RB1CC1: variants seen among roughly 807,000 people sequenced by gnomAD.
The protein encoded by RB1CC1 is RB1 inducible coiled-coil 1, also known as RB1-inducible coiled-coil protein 1.
Under a neutral mutation model 177.5 loss-of-function variants are expected in RB1CC1, and 46 were observed. The observed-to-expected ratio is 0.26, with a 90% confidence interval of 0.20 to 0.33. RB1CC1 has a LOEUF of 0.33. Among genes scored for constraint, RB1CC1 ranks in the 10% least tolerant of loss-of-function variants. The pLI, the probability that RB1CC1 is intolerant of heterozygous loss-of-function variation, is 1.00. For missense variants in RB1CC1, 1,703 were observed against 1,816.3 expected (o/e 0.94, Z 1.13); for synonymous variants, 666 against 613.6 (o/e 1.09, Z -1.26).
intron 8 of RB1CC1, among the ~76,000 whole-genome samples, chr8:52,663,071 C>T (rs1385698849): frequency 6.6e-6 from 1 of 152,044 alleles, no homozygotes; most frequent in East Asian, 1.9e-4. Context: ...CTCAACCATA[C>T]TCAATATAAT....
chr8:52,707,432 CTTTTTT>C (rs386412758), intron 1 of RB1CC1, among the ~76,000 whole-genome samples: 3 of 128,842 alleles, frequency 2.3e-5, no homozygotes, highest in East Asian at 2.3e-4. Context: ...TTCTTTCTTT[CTTTTTT>C]TTTTTTTTTT....
rs150249017 is a variant in RB1CC1, at chr8:52,689,852, G to C, written c.-166-2885C>G. Among the ~76,000 whole-genome samples, 570 of 152,120 alleles carry C rather than the reference G, an allele frequency of 3.7e-3. 2 individuals are homozygous for C. Among genetic ancestry groups the C allele is most frequent in the African/African-American group, 0.013 (531 of 41,500 alleles). ...TCTTCCAGACTCAAGAGAACTGCTT[G>C]AACTGGGAGGCGGAGGTTGCAGTGA... On this transcript the variant is annotated intron_variant, in intron 1 of 23. Coordinates refer to ENST00000025008, the MANE Select transcript of RB1CC1 (RefSeq NM_014781.5).
At chr8:52,691,857 G>C (rs924339357) in intron 1 of RB1CC1, among the ~76,000 whole-genome samples, 4 of 152,080 alleles carry the variant, frequency 2.6e-5, no homozygotes, top group African/African-American at 9.7e-5. Context: ...TTGCTTTCAC[G>C]GCCACAAATG....
At chr8:52,658,198 AAT>A (rs1254718785) in intron 13 of RB1CC1, 74 bp from the exon 14 acceptor site, 2 of 1,409,666 alleles carry the variant, frequency 1.4e-6, no homozygotes, top group Non-Finnish European at 1.9e-6. Flanking sequence ...CAAATATTTT[AAT>A]ATGTCAAAAA....
chr8:52,661,070 T>A (rs373051906), intron 10 of RB1CC1, 25 bp downstream of exon 10: 34 of 1,611,220 alleles, frequency 2.1e-5, no homozygotes, highest in Non-Finnish European at 2.5e-5. Flanking sequence ...TCATATACAG[T>A]TAAAATAGAA....
At chr8:52,627,668 A>G (rs915214788) in intron 22 of RB1CC1, among the ~76,000 whole-genome samples, 1 of 152,142 alleles carries the variant, frequency 6.6e-6, no homozygotes, top group African/African-American at 2.4e-5. Context: ...TTTATAATTT[A>G]AGAAAGTTTT....
intron 6 of RB1CC1, 69 bp from the exon 7 acceptor site, chr8:52,674,343 G>T: frequency 7.6e-7 from 1 of 1,314,978 alleles, no homozygotes; most frequent in Non-Finnish European, 1.1e-6. Context: ...ATGTTTGAAT[G>T]AAATCACATA....
At chr8:52,624,544 G>C (rs1401123662) in intron 23 of RB1CC1, among the ~76,000 whole-genome samples, 173 bp downstream of exon 23, 1 of 151,756 alleles carries the variant, frequency 6.6e-6, no homozygotes, top group Admixed American at 6.6e-5. Context: ...TACTATCTAA[G>C]GGCAGCATGA....
chr8:52,660,557 C>T, intron 12 of RB1CC1, 39 bp downstream of exon 12: 1 of 1,512,964 alleles, frequency 6.6e-7, no homozygotes, highest in Non-Finnish European at 9.0e-7. Context: ...GGTTTTAAAA[C>T]ATATGGAATT....
intron 18 of RB1CC1, among the ~76,000 whole-genome samples, chr8:52,640,790 CTTT>C (rs1025160611): frequency 6.6e-6 from 1 of 152,010 alleles, no homozygotes; most frequent in Non-Finnish European, 1.5e-5. Context: ...TTTTGAATTA[CTTT>C]TTTTGTTCTA....
At chr8:52,708,597 T>A (rs1182182916) in intron 1 of RB1CC1, among the ~76,000 whole-genome samples, 1 of 152,136 alleles carries the variant, frequency 6.6e-6, no homozygotes, top group Non-Finnish European at 1.5e-5. Context: ...TTATCACAGG[T>A]GGCCTATAGT....
intron 5 of RB1CC1, among the ~76,000 whole-genome samples, chr8:52,682,748 A>G (rs1032790800): frequency 2.6e-5 from 4 of 152,200 alleles, no homozygotes; most frequent in African/African-American, 7.2e-5. Flanking sequence ...TTCAGTTTAC[A>G]TAAGTATATT....
At chr8:52,628,257 A>G (rs1184470862) in intron 21 of RB1CC1, 89 bp from the exon 22 acceptor site, 12 of 1,215,736 alleles carry the variant, frequency 9.9e-6, no homozygotes, top group Non-Finnish European at 1.4e-5. Context: ...ATGCTCAACT[A>G]CATATTAAGA....
At chr8:52,625,808 C>A (rs996669474) in intron 22 of RB1CC1, among the ~76,000 whole-genome samples, 1 of 152,152 alleles carries the variant, frequency 6.6e-6, no homozygotes, top group African/African-American at 2.4e-5. Context: ...ATCACTTTCA[C>A]ACCATGGTAA....
At chr8:52,645,567 A>G (rs1316172085) in intron 16 of RB1CC1, 135 bp downstream of exon 16, 32 of 947,220 alleles carry the variant, frequency 3.4e-5, no homozygotes, top group Non-Finnish European at 4.8e-5. Flanking sequence ...TCAAGAGGAA[A>G]TTTATTAACA....
intron 5 of RB1CC1, 77 bp from the exon 6 acceptor site, chr8:52,676,648 C>T: frequency 7.6e-7 from 1 of 1,316,228 alleles, no homozygotes; most frequent in East Asian, 2.4e-5. Context: ...TGTTTACAAA[C>T]ATGTACGTGT....
Position 52,683,889 on chromosome 8 carries a change from T to C in RB1CC1, c.196A>G (p.Thr66Ala). 1 of 1,613,846 alleles carries C rather than the reference T, an allele frequency of 6.2e-7. No homozygotes were observed. The highest frequency in any genetic ancestry group is 8.5e-7 in the Non-Finnish European group (1 of 1,179,950). ...DRRVCTYSAG[T>A]DTNPIFLFNK... ...TGAAAGGACTCTTGAATACCTACCG[T>C]CCCAGCACTGTAGGTACACACTCTT... Residue 66 changes from threonine (T) to alanine (A), a missense_variant and splice_region_variant, in exon 4 of 24, where the codon ACG becomes GCG. Transcript: ENST00000025008.
At chr8:52,643,548 G>GT (rs1849754022) in intron 16 of RB1CC1, among the ~76,000 whole-genome samples, 1 of 150,958 alleles carries the variant, frequency 6.6e-6, no homozygotes, top group Non-Finnish European at 1.5e-5. Context: ...AATTATCTGG[G>GT]TGTGGTGGCA....
In RB1CC1 at chr8:52,656,353, G is replaced by A. The variant is rs1425405711; in HGVS notation, c.3476C>T (p.Thr1159Ile). ...TTCAAATGCTTGGTTATGCAAAGATGTTACTTTGTTTAATTCAGCTTTAAG... is the reference window on the plus strand; with the variant it reads ...TTCAAATGCTTGGTTATGCAAAGATATTACTTTGTTTAATTCAGCTTTAAG... Reference protein sequence around the residue: ...NILKAELNKVTSLHNQAFEIE... With the variant: ...NILKAELNKVISLHNQAFEIE... The change falls in exon 15 of 24, where the codon ACA (threonine) becomes ATA (isoleucine). Residue 1159 changes from threonine to isoleucine, a missense_variant. By Grantham distance (89) the Thr-to-Ile change is moderately conservative (BLOSUM62 -1). Coordinates refer to ENST00000025008, the MANE Select transcript of RB1CC1 (RefSeq NM_014781.5). 4 of 1,611,454 alleles carry A rather than the reference G, an allele frequency of 2.5e-6. No homozygotes were observed. The highest frequency in any genetic ancestry group is 3.4e-6 in the Non-Finnish European group (4 of 1,179,278).
Sources: gnomAD v4.1 joint callset for allele counts (sites outside exome capture counted in the v4.1 genomes callset) on GRCh38, gnomAD v4.1.1 for gene constraint, MANE v1.5 for transcripts, NCBI Gene and HGNC (gene_info 2026-07-23, HGNC 2026-07-21) for gene names.